MRAP2: variants seen among roughly 807,000 people sequenced by gnomAD.
The protein encoded by MRAP2 is melanocortin-2 receptor accessory protein 2.
MRAP2 carries 20 observed loss-of-function variants against 17.4 expected under a neutral mutation model. The observed-to-expected ratio is 1.15, with a 90% CI of 0.81 to 1.67. The LOEUF is 1.67. MRAP2 is among the 40% of genes most tolerant of loss of function. The pLI is 0.00. For missense variants in MRAP2, 238 were observed against 240.0 expected, an observed-to-expected ratio of 0.99 and a Z score of 0.05; for synonymous variants, 96 against 88.4, an observed-to-expected ratio of 1.09 and a Z score of -0.48.
downstream of MRAP2, among the ~76,000 whole-genome samples, chr6:84,091,239 CT>C (rs34508361): frequency 0.12 from 13,387 of 107,880 alleles, 405 homozygotes; most frequent in Middle Eastern, 0.22. Context: ...AGTTTGTTAA[CT>C]TTTTTTTTTT....
At chr6:84,080,448 A>C (rs367869398) in intron 3 of MRAP2, among the ~76,000 whole-genome samples, 9 of 152,266 alleles carry the variant, frequency 5.9e-5, no homozygotes, top group African/African-American at 2.2e-4. Flanking sequence ...CCCGTAGTTA[A>C]ATTTTGATTG....
chr6:84,124,368 T>C, the MRAP2 span: 1 of 150,784 alleles, frequency 6.6e-6, no homozygotes, highest in East Asian at 2.0e-4. Flanking sequence ...TAGAGAGAGA[T>C]ATATAAATGG....
At chr6:84,070,067 A>AT (rs1250639337) in intron 3 of MRAP2, among the ~76,000 whole-genome samples, 2 of 151,158 alleles carry the variant, frequency 1.3e-5, no homozygotes, top group African/African-American at 4.9e-5. Flanking sequence ...TATCTTTTGT[A>AT]TTTTTTTGGT....
At chr6:84,114,907 G>A in the MRAP2 span, among the ~76,000 whole-genome samples, 6 of 152,180 alleles carry the variant, frequency 3.9e-5, no homozygotes, top group Non-Finnish European at 7.3e-5. Context: ...AGCAGAAGCT[G>A]CAGAACAGCA....
chr6:84,064,928 T>C (rs1343034233), intron 3 of MRAP2, among the ~76,000 whole-genome samples: 1 of 152,166 alleles, frequency 6.6e-6, no homozygotes, highest in Admixed American at 6.5e-5. Context: ...CAAATGCCTG[T>C]GCAAAGGGAA....
chr6:84,070,327 T>C (rs2099495909), intron 3 of MRAP2, among the ~76,000 whole-genome samples: 1 of 152,176 alleles, frequency 6.6e-6, no homozygotes, highest in South Asian at 2.1e-4. Context: ...ATTTTTAAAT[T>C]TCTATGTTGA....
intron 1 of MRAP2, among the ~76,000 whole-genome samples, chr6:84,041,450 T>C (rs1336266553): frequency 6.6e-6 from 1 of 152,214 alleles, no homozygotes; most frequent in Non-Finnish European, 1.5e-5. Flanking sequence ...AGAGGGCCAC[T>C]GTCCTCCAGT....
Position 84,063,003 on chromosome 6 carries a change from G to A in MRAP2, c.227+11G>A. 6.2e-7 allele frequency: 1 copy of A among 1,614,044 alleles called. No individual in the cohort carries two copies. Among genetic ancestry groups the A allele is most frequent in the Non-Finnish European group, 8.5e-7 (1 of 1,179,982 alleles). ...AGCCCCACACCAAGAGTAAGTTTGG[G>A]CTGTTCCTAAATGTCTCTTAAGCCT... On this transcript the variant is annotated intron_variant, in intron 3 of 3. Transcript: ENST00000257776.
chr6:84,038,386 G>A (rs2099486691), intron 1 of MRAP2, among the ~76,000 whole-genome samples: 1 of 152,202 alleles, frequency 6.6e-6, no homozygotes, highest in South Asian at 2.1e-4. Context: ...CATGCAGCAG[G>A]ACATTGCAGA....
At chr6:84,086,942 G>A (rs977429703) in intron 3 of MRAP2, among the ~76,000 whole-genome samples, 1 of 152,214 alleles carries the variant, frequency 6.6e-6, no homozygotes, top group East Asian at 1.9e-4. Context: ...GGTGCCACAG[G>A]TAGGCAGAAA....
chr6:84,067,139 G>T (rs921482765), intron 3 of MRAP2, among the ~76,000 whole-genome samples: 1 of 151,810 alleles, frequency 6.6e-6, no homozygotes, highest in African/African-American at 2.4e-5. Flanking sequence ...TAAGATGTTT[G>T]CTTTTCAATT....
intron 3 of MRAP2, among the ~76,000 whole-genome samples, chr6:84,069,152 G>A (rs984881451): frequency 1.4e-4 from 22 of 151,820 alleles, no homozygotes; most frequent in Non-Finnish European, 3.2e-4. Context: ...GAGGAGTGGT[G>A]GGAGTAGGCA....
intron 3 of MRAP2, among the ~76,000 whole-genome samples, chr6:84,078,092 T>C (rs775140179): frequency 6.6e-6 from 1 of 152,212 alleles, no homozygotes; most frequent in Non-Finnish European, 1.5e-5. Flanking sequence ...TAGGCAATTG[T>C]GTCTTAGAGA....
At chr6:84,054,802 A>C (rs1318143261) in intron 1 of MRAP2, among the ~76,000 whole-genome samples, 1 of 152,190 alleles carries the variant, frequency 6.6e-6, no homozygotes, top group Non-Finnish European at 1.5e-5. Context: ...GGAATGGTAC[A>C]GGAGGCCCTT....
At chr6:84,102,094 A>G in the MRAP2 span, among the ~76,000 whole-genome samples, 1 of 152,192 alleles carries the variant, frequency 6.6e-6, no homozygotes, top group Middle Eastern at 3.2e-3. Flanking sequence ...GTGAAAAAAT[A>G]AAGCAGTAGG....
At chr6:84,051,813 G>A (rs74607302) in intron 1 of MRAP2, among the ~76,000 whole-genome samples, 3,622 of 152,254 alleles carry the variant, frequency 0.024, 138 homozygotes, top group African/African-American at 0.082. Context: ...TCCAAAGAAG[G>A]GATGAAAGTG....
the MRAP2 span, among the ~76,000 whole-genome samples, chr6:84,102,169 T>A: frequency 6.6e-6 from 1 of 152,126 alleles, no homozygotes; most frequent in Non-Finnish European, 1.5e-5. Context: ...GGTTAAAAAA[T>A]TCATAGAGCG....
At chr6:84,067,027 C>T (rs1435295910) in intron 3 of MRAP2, among the ~76,000 whole-genome samples, 3 of 152,088 alleles carry the variant, frequency 2.0e-5, no homozygotes, top group African/African-American at 7.2e-5. Flanking sequence ...TCCTTTCTCC[C>T]TCACCCCCTC....
chr6:84,053,118 A>C (rs956646285), intron 1 of MRAP2, among the ~76,000 whole-genome samples: 3 of 152,144 alleles, frequency 2.0e-5, no homozygotes, highest in Non-Finnish European at 4.4e-5. Flanking sequence ...GCTGACATTG[A>C]GAACTGCGTG....
Sources: gnomAD v4.1 joint callset for allele counts (sites outside exome capture counted in the v4.1 genomes callset) on GRCh38, gnomAD v4.1.1 for gene constraint, MANE v1.5 for transcripts, NCBI Gene and HGNC (gene_info 2026-07-23, HGNC 2026-07-21) for gene names.